Variants in PLCL2 observed in about 807,000 individuals in gnomAD.
PLCL2 encodes inactive phospholipase C-like protein 2.
Under a neutral mutation model 79.6 loss-of-function variants are expected in PLCL2, and 4 were observed. That is an observed-to-expected ratio of 0.05 (90% CI 0.02 to 0.11). PLCL2 has a LOEUF of 0.11. Among genes scored for constraint, PLCL2 ranks in the 10% least tolerant of loss-of-function variants. PLCL2 has a pLI of 1.00. For missense variants in PLCL2, 895 were observed against 1,291.0 expected (o/e 0.69, Z 4.70); for synonymous variants, 484 against 457.7 (o/e 1.06, Z -0.73).
At chr3:17,000,781 C>T (rs1203667458) in intron 1 of PLCL2, among the ~76,000 whole-genome samples, 2 of 152,016 alleles carry the variant, frequency 1.3e-5, no homozygotes, top group African/African-American at 2.4e-5. Context: ...GAATAATATT[C>T]CATTATGTAT....
At chr3:17,084,186 G>A (rs1235422832) in intron 5 of PLCL2, among the ~76,000 whole-genome samples, 1 of 152,102 alleles carries the variant, frequency 6.6e-6, no homozygotes, top group Non-Finnish European at 1.5e-5. Context: ...TGAAAACCTA[G>A]ATGAAATAGG....
intron 1 of PLCL2, among the ~76,000 whole-genome samples, chr3:16,976,973 A>G (rs1445949840): frequency 6.6e-6 from 1 of 152,148 alleles, no homozygotes; most frequent in Non-Finnish European, 1.5e-5. Flanking sequence ...TAGAATCCAC[A>G]TCTGTTCATT....
At chr3:16,977,287 C>A (rs766138056) in intron 1 of PLCL2, among the ~76,000 whole-genome samples, 12 of 152,130 alleles carry the variant, frequency 7.9e-5, no homozygotes, top group Non-Finnish European at 1.8e-4. Flanking sequence ...AGTACTTACT[C>A]CCTGGCTGGC....
chr3:17,024,267 A>C (rs1301043820), intron 3 of PLCL2, among the ~76,000 whole-genome samples: 1 of 152,160 alleles, frequency 6.6e-6, no homozygotes, highest in African/African-American at 2.4e-5. Context: ...GTTGAGATTG[A>C]TGAAGAATTT....
At chr3:16,891,519 T>C (rs1205998516) in intron 1 of PLCL2, among the ~76,000 whole-genome samples, 13 of 147,400 alleles carry the variant, frequency 8.8e-5, no homozygotes, top group Non-Finnish European at 1.2e-4. Flanking sequence ...TCAATAATTG[T>C]TTTGGTGTCT....
chr3:17,002,879 G>T (rs1444024132), intron 1 of PLCL2, among the ~76,000 whole-genome samples: 1 of 151,054 alleles, frequency 6.6e-6, no homozygotes, highest in East Asian at 1.9e-4. Context: ...TATTTAGTCT[G>T]CTTATTACCC....
intron 1 of PLCL2, among the ~76,000 whole-genome samples, chr3:16,977,909 C>A (rs1223268952): frequency 1.3e-5 from 2 of 152,184 alleles, no homozygotes; most frequent in African/African-American, 2.4e-5. Flanking sequence ...CTTGCTGCAT[C>A]CTCACATGGT....
At chr3:17,070,584 A>G (rs1405508321) in intron 5 of PLCL2, among the ~76,000 whole-genome samples, 3 of 152,174 alleles carry the variant, frequency 2.0e-5, no homozygotes, top group Admixed American at 6.5e-5. Context: ...TCTGTGTGTC[A>G]TTTCTGTAGA....
intron 3 of PLCL2, among the ~76,000 whole-genome samples, chr3:17,032,950 G>C (rs1382183076): frequency 6.6e-6 from 1 of 152,154 alleles, no homozygotes; most frequent in Non-Finnish European, 1.5e-5. Context: ...AATTTAGGCT[G>C]AGAAGTGATA....
At chr3:16,908,242 T>C (rs558370662) in intron 1 of PLCL2, among the ~76,000 whole-genome samples, 1 of 152,338 alleles carries the variant, frequency 6.6e-6, no homozygotes, top group African/African-American at 2.4e-5. Context: ...ATCCCCATCC[T>C]GTGTTATTTT....
chr3:17,037,839 A>C (rs948459019), intron 3 of PLCL2, among the ~76,000 whole-genome samples: 7 of 152,208 alleles, frequency 4.6e-5, no homozygotes, highest in Admixed American at 3.9e-4. Flanking sequence ...GCTTATTCTG[A>C]AAATGGAATT....
intron 4 of PLCL2, among the ~76,000 whole-genome samples, chr3:17,051,553 T>A (rs1013308365): frequency 1.3e-5 from 2 of 152,016 alleles, no homozygotes; most frequent in African/African-American, 2.4e-5. Flanking sequence ...GAAAAAAAAG[T>A]CACAGTGGAG....
intron 3 of PLCL2, among the ~76,000 whole-genome samples, chr3:17,019,184 C>A (rs1575589936): frequency 6.6e-6 from 1 of 152,300 alleles, no homozygotes; most frequent in East Asian, 1.9e-4. Flanking sequence ...GAGGCTATTG[C>A]AAGATGAGTT....
chr3:17,067,262 T>C (rs1278306090), intron 4 of PLCL2, among the ~76,000 whole-genome samples: 1 of 152,112 alleles, frequency 6.6e-6, no homozygotes, highest in African/African-American at 2.4e-5. Context: ...GTTATATTGG[T>C]GTGATTAGGA....
At chr3:16,947,887 A>G (rs1394491804) in intron 1 of PLCL2, among the ~76,000 whole-genome samples, 1 of 152,228 alleles carries the variant, frequency 6.6e-6, no homozygotes, top group African/African-American at 2.4e-5. Flanking sequence ...TATGGTTAAT[A>G]TTACATCAAT....
chr3:16,940,897 T>C (rs1697664644), intron 1 of PLCL2, among the ~76,000 whole-genome samples: 1 of 152,210 alleles, frequency 6.6e-6, no homozygotes, highest in Non-Finnish European at 1.5e-5. Context: ...TGGCTGCTGC[T>C]CCTACTTCTA....
At chr3:16,956,950 A>G (rs1488845224) in intron 1 of PLCL2, among the ~76,000 whole-genome samples, 2 of 152,020 alleles carry the variant, frequency 1.3e-5, no homozygotes, top group Non-Finnish European at 2.9e-5. Context: ...CTAGCAGTCT[A>G]TCAATTTTGT....
rs567392708 is a variant in PLCL2, at chr3:16,977,329, C to G, written c.328-32345C>G. Reference sequence around the variant, plus strand: ...AGTTCCTGTGATTTGCCTCAGGTTACTTTTCAGCCCTCATTGTTCCCCTCC... The same window carrying G: ...AGTTCCTGTGATTTGCCTCAGGTTAGTTTTCAGCCCTCATTGTTCCCCTCC... On this transcript the variant is annotated intron_variant, in intron 1 of 5. Coordinates refer to ENST00000615277, the MANE Select transcript of PLCL2 (RefSeq NM_001144382.2). Among the ~76,000 whole-genome samples, 12 of 152,282 alleles carry G rather than the reference C, an allele frequency of 7.9e-5. No individual in the cohort carries two copies. In the South Asian group the frequency reaches 1.2e-3, roughly 16 times the overall value.
intron 1 of PLCL2, among the ~76,000 whole-genome samples, chr3:16,956,507 C>A (rs548169389): frequency 1.3e-5 from 2 of 152,272 alleles, no homozygotes; most frequent in African/African-American, 2.4e-5. Flanking sequence ...TGTTGTGTCT[C>A]TGCCAGGCTT....
Sources: allele counts gnomAD v4.1 joint callset (sites outside exome capture counted in the v4.1 genomes callset), GRCh38; gene constraint gnomAD v4.1.1; transcripts MANE v1.5; gene names NCBI Gene and HGNC (gene_info 2026-07-23, HGNC 2026-07-21).